Variants in ADAM28 observed in about 807,000 individuals in gnomAD.
ADAM28 encodes the protein ADAM metallopeptidase domain 28.
In ADAM28, 105 loss-of-function variants were observed where a neutral mutation model predicts 101.2. That is an observed-to-expected ratio of 1.04 (90% CI 0.89 to 1.22). The LOEUF (loss-of-function observed/expected upper bound fraction) is 1.22. Ranked by LOEUF, ADAM28 falls within the 50% of genes most tolerant of loss-of-function variation. The pLI, the probability that ADAM28 is intolerant of heterozygous loss-of-function variation, is 0.00. For synonymous variants in ADAM28, 322 were observed against 310.6 expected (o/e 1.04, Z -0.39); for missense variants, 1,028 against 945.4 (o/e 1.09, Z -1.15).
intron 21 of ADAM28, among the ~76,000 whole-genome samples, chr8:24,352,260 A>C (rs1425816097): frequency 6.6e-6 from 1 of 152,258 alleles, no homozygotes; most frequent in Non-Finnish European, 1.5e-5. Flanking sequence ...TTGTGACAAG[A>C]AGAGGACTAA....
At chr8:24,341,492 G>A (rs1226663894) in intron 15 of ADAM28, 106 bp from the exon 16 acceptor site, 1 of 1,177,594 alleles carries the variant, frequency 8.5e-7, no homozygotes, top group Admixed American at 2.2e-5. Flanking sequence ...ACAACTAAGA[G>A]TCTCGGCTAC....
rs141040315 is a variant in ADAM28 at position 24,313,757 on chromosome 8, T to A, written c.576+177T>A. 2.7e-3 allele frequency among the ~76,000 whole-genome samples: 398 copies of A among 145,826 alleles called. 5 individuals carry two copies. The highest frequency in any genetic ancestry group is 0.01 in the South Asian group (48 of 4,718). On this transcript the variant is annotated intron_variant, in intron 6 of 22. Transcript: ENST00000265769. The stretch of plus-strand genomic sequence containing the variant: ...ATTTAACAAGTACTTAGGAATCAAC[T>A]ATTTTTTTTTTTTTTTTGAGATGGA...
At chr8:24,345,003 T>TA (rs1177529075) in intron 18 of ADAM28, among the ~76,000 whole-genome samples, 1 of 150,604 alleles carries the variant, frequency 6.6e-6, no homozygotes, top group East Asian at 2.0e-4. Flanking sequence ...ATAACTCTGT[T>TA]AAAGTAGATG....
At chr8:24,336,975 C>T (rs1307474850) in intron 14 of ADAM28, among the ~76,000 whole-genome samples, 1 of 152,124 alleles carries the variant, frequency 6.6e-6, no homozygotes, top group African/African-American at 2.4e-5. Context: ...GTGCCAGAAA[C>T]TTTTCATAAT....
intron 4 of ADAM28, among the ~76,000 whole-genome samples, chr8:24,310,697 G>C (rs532870764): frequency 6.6e-6 from 1 of 152,250 alleles, no homozygotes; most frequent in East Asian, 1.9e-4. Flanking sequence ...GTAGCCATGT[G>C]AGGGGTCATG....
intron 2 of ADAM28, among the ~76,000 whole-genome samples, chr8:24,309,040 G>C (rs1269917774): frequency 1.3e-5 from 2 of 152,130 alleles, no homozygotes; most frequent in East Asian, 3.9e-4. Context: ...TTTAGATATT[G>C]AGTGCAACCA....
intron 8 of ADAM28, 75 bp from the exon 9 acceptor site, chr8:24,323,759 C>A (rs923282566): frequency 2.8e-6 from 4 of 1,409,402 alleles, no homozygotes; most frequent in African/African-American, 2.9e-5. Flanking sequence ...TTTAAAAATA[C>A]AAAATATATT....
intron 14 of ADAM28, among the ~76,000 whole-genome samples, chr8:24,338,665 A>G (rs1007150330): frequency 6.6e-6 from 1 of 152,210 alleles, no homozygotes; most frequent in East Asian, 1.9e-4. Flanking sequence ...CCGTATCTTC[A>G]TAGGTGTTTA....
At chr8:24,313,050 A>G (rs554042852) in intron 5 of ADAM28, among the ~76,000 whole-genome samples, 10 of 152,294 alleles carry the variant, frequency 6.6e-5, no homozygotes. Context: ...CCTTTTCATT[A>G]TAAGTGTACC....
intron 18 of ADAM28, among the ~76,000 whole-genome samples, chr8:24,347,947 A>T (rs541821256): frequency 6.6e-6 from 1 of 152,196 alleles, no homozygotes; most frequent in South Asian, 2.1e-4. Context: ...GCATGCACAT[A>T]TAGTTTTTAG....
intron 15 of ADAM28, chr8:24,341,322 T>C: frequency 3.2e-6 from 1 of 308,416 alleles, no homozygotes. Flanking sequence ...CTAGAATTTG[T>C]GCTTAAGATT....
At chr8:24,346,178 C>A (rs1196125444) in intron 18 of ADAM28, among the ~76,000 whole-genome samples, 3 of 151,968 alleles carry the variant, frequency 2.0e-5, no homozygotes, top group Admixed American at 2.0e-4. Context: ...TCATTAAATT[C>A]TAAAGTTAGT....
rs1815036639 is a variant in ADAM28, at chr8:24,343,504, A to G, written c.1912-2A>G. On this transcript the variant is annotated splice_acceptor_variant, in intron 17 of 22. Coordinates refer to ENST00000265769, the MANE Select transcript of ADAM28 (RefSeq NM_014265.6). LOFTEE classifies it high-confidence loss of function. ...ACAGTAACAGGATCATTGCTCCCCTAGGTGTGTGACCATGAGCTCCAGTGT... is the reference window on the plus strand; with the variant it reads ...ACAGTAACAGGATCATTGCTCCCCTGGGTGTGTGACCATGAGCTCCAGTGT... 2 of 1,613,680 alleles carry G rather than the reference A, an allele frequency of 1.2e-6. No homozygotes were observed. Among genetic ancestry groups the G allele is most frequent in the African/African-American group, 2.7e-5 (2 of 75,004 alleles).
intron 2 of ADAM28, among the ~76,000 whole-genome samples, chr8:24,301,111 A>G (rs893434783): frequency 6.6e-6 from 1 of 152,252 alleles, no homozygotes; most frequent in East Asian, 1.9e-4. Context: ...AATAGTTTAC[A>G]GAAATACTCT....
chr8:24,340,931 G>A (rs1814688189), intron 15 of ADAM28: 1 of 152,192 alleles, frequency 6.6e-6, no homozygotes, highest in African/African-American at 2.4e-5. Flanking sequence ...GCTTGAGTGA[G>A]TGTTGAGCAG....
chr8:24,342,997 C>T, intron 16 of ADAM28, 104 bp from the exon 17 acceptor site: 1 of 1,534,966 alleles, frequency 6.5e-7, no homozygotes, highest in Non-Finnish European at 8.8e-7. Context: ...AGCCTCCTGG[C>T]AGAGCCACCT....
At chr8:24,331,106 T>A (rs1409351857) in intron 11 of ADAM28, 44 bp from the exon 12 acceptor site, 2 of 1,555,830 alleles carry the variant, frequency 1.3e-6, no homozygotes, top group Non-Finnish European at 8.7e-7. Flanking sequence ...TTCGCACATG[T>A]TAAGCATGAC....
At chr8:24,348,484 C>T (rs1220728585) in intron 18 of ADAM28, among the ~76,000 whole-genome samples, 3 of 152,138 alleles carry the variant, frequency 2.0e-5, no homozygotes, top group African/African-American at 7.2e-5. Flanking sequence ...TTTCTTTCTG[C>T]ATTTCTGAAC....
rs1816631832 is a variant in ADAM28, at chr8:24,355,596, G to T, written c.*1192G>T. 1 of 151,340 alleles carries T rather than the reference G, an allele frequency of 6.6e-6. No homozygotes were observed. The highest frequency in any genetic ancestry group is 2.1e-4 in the South Asian group (1 of 4,810). 9.4% of individuals were successfully genotyped at this position (151,340 alleles called of 1,614,324 possible). The stretch of plus-strand genomic sequence containing the variant: ...AAATTTTTCCTCGTCTCTTTTTCTG[G>T]ATATGGGCATCTGAATACTCTAGCT... On this transcript the variant is annotated 3_prime_UTR_variant, in exon 23 of 23. Transcript: ENST00000265769.
Sources: gnomAD v4.1 joint callset for allele counts (sites outside exome capture counted in the v4.1 genomes callset) on GRCh38, gnomAD v4.1.1 for gene constraint, MANE v1.5 for transcripts, NCBI Gene and HGNC (gene_info 2026-07-23, HGNC 2026-07-21) for gene names.